The following XRCC4 variants were observed in gnomAD, a reference collection of about 807,000 sequenced individuals.
XRCC4 encodes DNA repair protein XRCC4.
Under a neutral mutation model 39.1 loss-of-function variants are expected in XRCC4, and 28 were observed. The ratio of observed to expected loss-of-function variants is 0.72; its 90% CI spans 0.53 to 0.98. XRCC4 has a LOEUF of 0.98. Ranked by LOEUF, XRCC4 falls within the 50% of genes least tolerant of loss-of-function variation. The pLI is 0.00. For missense variants in XRCC4, 350 were observed against 376.4 expected (o/e 0.93, Z 0.58); for synonymous variants, 123 against 126.4 (o/e 0.97, Z 0.18).
chr5:83,320,373 AAAAAAT>A (rs1756020127), intron 7 of XRCC4, among the ~76,000 whole-genome samples: 2 of 148,582 alleles, frequency 1.3e-5, no homozygotes, highest in African/African-American at 5.0e-5. Context: ...ATAAAAAATA[AAAAAAT>A]AATAAAAAAA....
At chr5:83,219,829 TA>T (rs1404161473) in intron 6 of XRCC4, among the ~76,000 whole-genome samples, 1 of 152,224 alleles carries the variant, frequency 6.6e-6, no homozygotes, top group Non-Finnish European at 1.5e-5. Flanking sequence ...AAACACGTAT[TA>T]ATATCAACAT....
the XRCC4 span, among the ~76,000 whole-genome samples, chr5:83,373,834 A>T: frequency 1.9e-4 from 29 of 152,182 alleles, no homozygotes; most frequent in Non-Finnish European, 1.0e-4. Flanking sequence ...TGTATATAAT[A>T]GCTACCTTCT....
At chr5:83,265,402 A>T (rs1753919735) in intron 7 of XRCC4, among the ~76,000 whole-genome samples, 1 of 152,168 alleles carries the variant, frequency 6.6e-6, no homozygotes, top group Non-Finnish European at 1.5e-5. Context: ...TTAAAACGAG[A>T]TAGGTTTTTA....
intron 3 of XRCC4, among the ~76,000 whole-genome samples, chr5:83,175,807 C>T (rs1749927256): frequency 6.6e-6 from 1 of 152,066 alleles, no homozygotes; most frequent in African/African-American, 2.4e-5. Context: ...CGGTGTTTTG[C>T]CGTGTTGGCC....
chr5:83,220,010 A>T (rs1752019403), intron 6 of XRCC4, among the ~76,000 whole-genome samples: 1 of 152,108 alleles, frequency 6.6e-6, no homozygotes, highest in South Asian at 2.1e-4. Context: ...AAATTGTACT[A>T]ACAAGTCTTT....
At chr5:83,337,553 A>G (rs933630656) in intron 7 of XRCC4, among the ~76,000 whole-genome samples, 5 of 152,046 alleles carry the variant, frequency 3.3e-5, no homozygotes, top group Admixed American at 2.6e-4. Context: ...AGGCCTTCCA[A>G]CCCATCCACC....
At chr5:83,202,769 G>A (rs960848264) in intron 4 of XRCC4, among the ~76,000 whole-genome samples, 1 of 152,104 alleles carries the variant, frequency 6.6e-6, no homozygotes, top group African/African-American at 2.4e-5. Flanking sequence ...CATCATGTAT[G>A]TGTATGCATA....
intron 7 of XRCC4, among the ~76,000 whole-genome samples, chr5:83,305,405 A>T (rs908363343): frequency 2.0e-5 from 3 of 152,130 alleles, no homozygotes; most frequent in African/African-American, 7.2e-5. Flanking sequence ...CTAAGTAAAA[A>T]TTAGACATAT....
At chr5:83,313,267 A>G (rs374053388) in intron 7 of XRCC4, among the ~76,000 whole-genome samples, 3 of 152,192 alleles carry the variant, frequency 2.0e-5, no homozygotes, top group Non-Finnish European at 2.9e-5. Flanking sequence ...CTTTTCTGAC[A>G]TAAGGATCAT....
chr5:83,183,788 G>A (rs928503660), intron 3 of XRCC4, among the ~76,000 whole-genome samples: 3 of 152,006 alleles, frequency 2.0e-5, no homozygotes, highest in African/African-American at 7.2e-5. Flanking sequence ...TTAAACGCAT[G>A]GTTACCGTCT....
At chr5:83,153,599 C>T (rs1219827205) in intron 3 of XRCC4, among the ~76,000 whole-genome samples, 4 of 152,142 alleles carry the variant, frequency 2.6e-5, no homozygotes, top group Non-Finnish European at 5.9e-5. Flanking sequence ...GCGCACCTTC[C>T]TATCAGAATG....
chr5:83,333,468 T>A (rs1360412707), intron 7 of XRCC4, among the ~76,000 whole-genome samples: 1 of 152,194 alleles, frequency 6.6e-6, no homozygotes, highest in African/African-American at 2.4e-5. Context: ...ATAATAACCA[T>A]TTATTTTATG....
chr5:83,352,983 TA>T (rs1757123311), intron 7 of XRCC4, 147 bp from the exon 8 acceptor site: 3 of 579,696 alleles, frequency 5.2e-6, no homozygotes, highest in Non-Finnish European at 5.9e-6. Context: ...TCTCTTTCCT[TA>T]TAGTTAATAG....
chr5:83,215,977 A>G, intron 6 of XRCC4, among the ~76,000 whole-genome samples: 1 of 145,068 alleles, frequency 6.9e-6, no homozygotes, highest in African/African-American at 2.6e-5. Context: ...TCGTCAAAAT[A>G]AAAAAAATTC....
intron 3 of XRCC4, among the ~76,000 whole-genome samples, chr5:83,193,706 A>G (rs1303636596): frequency 1.3e-5 from 2 of 152,192 alleles, no homozygotes; most frequent in Non-Finnish European, 2.9e-5. Context: ...GGCATTTTGA[A>G]ACTTTTCAAA....
chr5:83,255,465 A>G (rs1420998508), intron 6 of XRCC4, among the ~76,000 whole-genome samples: 1 of 152,218 alleles, frequency 6.6e-6, no homozygotes, highest in Non-Finnish European at 1.5e-5. Flanking sequence ...TGTAATTATC[A>G]AGAGGAATGA....
At chr5:83,168,084 A>G (rs1257281686) in intron 3 of XRCC4, among the ~76,000 whole-genome samples, 1 of 152,214 alleles carries the variant, frequency 6.6e-6, no homozygotes, top group East Asian at 1.9e-4. Flanking sequence ...CAATTATGCC[A>G]ACATAAACTC....
In XRCC4 at chr5:83,116,675, G is replaced by A. The variant is rs181847716; in HGVS notation, c.315+5472G>A. Among the ~76,000 whole-genome samples the A allele has an allele frequency of 2.9e-3, 395 of 134,788 alleles. 4 individuals are homozygous for A. Among genetic ancestry groups the A allele is most frequent in the African/African-American group, 0.01 (380 of 36,356 alleles). 88.4% of individuals were successfully genotyped at this position (134,788 alleles called of 152,430 possible). ...CTCACTCTGTCACCCAGGCTGGAGT[G>A]CAATGGTGCAATCTCAGCTCACTGC... On this transcript the variant is annotated intron_variant, in intron 3 of 7. Transcript: ENST00000396027.
chr5:83,123,989 A>G (rs1219597800), intron 3 of XRCC4, among the ~76,000 whole-genome samples: 1 of 152,180 alleles, frequency 6.6e-6, no homozygotes, highest in Non-Finnish European at 1.5e-5. Flanking sequence ...GGTCCTGTGT[A>G]CCCTTCACTC....
Sources: allele counts gnomAD v4.1 joint callset (sites outside exome capture counted in the v4.1 genomes callset), GRCh38; gene constraint gnomAD v4.1.1; transcripts MANE v1.5; gene names NCBI Gene and HGNC (gene_info 2026-07-23, HGNC 2026-07-21).